DPP10: variants seen among roughly 807,000 people sequenced by gnomAD.
DPP10 encodes the protein dipeptidyl peptidase like 10.
Under a neutral mutation model 120.9 loss-of-function variants are expected in DPP10, and 33 were observed. That is an observed-to-expected ratio of 0.27 (90% confidence interval 0.21 to 0.37). DPP10 has a LOEUF of 0.37. Ranked by LOEUF, DPP10 falls within the 10% of genes least tolerant of loss-of-function variation. The pLI is 1.00. For missense variants in DPP10, 816 were observed against 942.8 expected (o/e 0.87, Z 1.76); for synonymous variants, 337 against 326.1 (o/e 1.03, Z -0.36).
chr2:115,657,296 G>T (rs1166996486), intron 5 of DPP10, among the ~76,000 whole-genome samples: 1 of 151,624 alleles, frequency 6.6e-6, no homozygotes, highest in South Asian at 2.1e-4. Flanking sequence ...GATAACAATG[G>T]TGAAACTAAC....
At chr2:115,602,404 A>G (rs952159429) in intron 5 of DPP10, among the ~76,000 whole-genome samples, 11 of 152,246 alleles carry the variant, frequency 7.2e-5, no homozygotes, top group South Asian at 4.1e-4. Flanking sequence ...AATCAAATTT[A>G]TATCACATTA....
At chr2:114,670,724 A>G (rs1698274514) in intron 1 of DPP10, among the ~76,000 whole-genome samples, 1 of 152,186 alleles carries the variant, frequency 6.6e-6, no homozygotes, top group African/African-American at 2.4e-5. Context: ...AAATCTACAT[A>G]TGCCAACATA....
intron 5 of DPP10, among the ~76,000 whole-genome samples, chr2:115,538,635 G>C (rs1013040824): frequency 2.6e-5 from 4 of 151,938 alleles, no homozygotes; most frequent in African/African-American, 7.2e-5. Context: ...AAAATGTAGC[G>C]TGAAGGATAG....
intron 1 of DPP10, among the ~76,000 whole-genome samples, chr2:114,647,598 A>G (rs2105465404): frequency 6.6e-6 from 1 of 152,108 alleles, no homozygotes; most frequent in African/African-American, 2.4e-5. Flanking sequence ...TTGGGATGCA[A>G]AACCACTTAA....
chr2:115,220,017 A>G (rs1235739934), intron 1 of DPP10, among the ~76,000 whole-genome samples: 1 of 152,204 alleles, frequency 6.6e-6, no homozygotes, highest in Non-Finnish European at 1.5e-5. Flanking sequence ...ACTACCATTT[A>G]CTGAACACTT....
At position 114,748,935 on chromosome 2, in the gene DPP10, C is replaced by T. The variant is rs189767435; in HGVS notation, c.60+306097C>T. 4.4e-3 allele frequency among the ~76,000 whole-genome samples: 546 copies of T among 125,204 alleles called. 1 individual carries two copies. Among genetic ancestry groups the T allele is most frequent in the Middle Eastern group, 0.013 (3 of 232 alleles). 82.1% of individuals were successfully genotyped at this position (125,204 alleles called of 152,430 possible). A position where few individuals can be genotyped will look rare whatever the true frequency, so the allele number is the denominator to read the frequency against. Reference sequence around the variant, plus strand: ...TATATACCCAGTAATGGGATGGCTGCGTCAAATGGTATTTCTAGTTCTAGA... The same window carrying T: ...TATATACCCAGTAATGGGATGGCTGTGTCAAATGGTATTTCTAGTTCTAGA... On this transcript the variant is annotated intron_variant, in intron 1 of 25. Transcript: ENST00000410059.
intron 3 of DPP10, among the ~76,000 whole-genome samples, chr2:115,384,423 AAGAAG>A (rs1271972659): frequency 4.6e-5 from 5 of 109,852 alleles, no homozygotes; most frequent in Non-Finnish European, 1.2e-4. Flanking sequence ...GAAGAAGAAG[AAGAAG>A]GAGAAGAAGA....
intron 1 of DPP10, among the ~76,000 whole-genome samples, chr2:115,150,503 C>T (rs529548174): frequency 3.9e-4 from 60 of 152,322 alleles, no homozygotes; most frequent in African/African-American, 1.1e-3. Context: ...ATTACCACCA[C>T]CCATTATAAT....
At chr2:115,556,853 A>G (rs1218415167) in intron 5 of DPP10, among the ~76,000 whole-genome samples, 2 of 152,150 alleles carry the variant, frequency 1.3e-5, no homozygotes, top group Non-Finnish European at 2.9e-5. Context: ...AACTTTATAC[A>G]CCATAGTAAA....
intron 1 of DPP10, among the ~76,000 whole-genome samples, chr2:114,887,092 T>C (rs1354685077): frequency 6.6e-6 from 1 of 152,216 alleles, no homozygotes; most frequent in African/African-American, 2.4e-5. Flanking sequence ...TTTTCCCAAA[T>C]CTCTCCCAAG....
intron 1 of DPP10, among the ~76,000 whole-genome samples, chr2:114,703,370 T>A (rs1223654983): frequency 6.6e-6 from 1 of 152,198 alleles, no homozygotes; most frequent in African/African-American, 2.4e-5. Flanking sequence ...TAAACACGCA[T>A]AAGATCACAA....
intron 1 of DPP10, among the ~76,000 whole-genome samples, chr2:114,955,282 G>T (rs1416343076): frequency 2.0e-5 from 3 of 152,146 alleles, no homozygotes; most frequent in Non-Finnish European, 2.9e-5. Context: ...GGTCACTCTT[G>T]TCACCATTTT....
At chr2:115,807,772 A>G (rs1308531969) in intron 19 of DPP10, among the ~76,000 whole-genome samples, 1 of 146,016 alleles carries the variant, frequency 6.8e-6, no homozygotes, top group East Asian at 2.1e-4. Context: ...AATGCAAAAT[A>G]CCCAAACTTG....
At chr2:115,619,508 A>G (rs1279220244) in intron 5 of DPP10, among the ~76,000 whole-genome samples, 2 of 152,116 alleles carry the variant, frequency 1.3e-5, no homozygotes, top group Non-Finnish European at 2.9e-5. Context: ...TCTCCTTACA[A>G]TTCTCGCATC....
At chr2:115,012,939 T>G (rs1270816470) in intron 1 of DPP10, among the ~76,000 whole-genome samples, 1 of 152,162 alleles carries the variant, frequency 6.6e-6, no homozygotes, top group Non-Finnish European at 1.5e-5. Context: ...GAAAGGAAAG[T>G]AATTCATCCA....
At chr2:115,762,511 A>G in intron 11 of DPP10, 61 bp from the exon 12 acceptor site, 1 of 1,594,382 alleles carries the variant, frequency 6.3e-7, no homozygotes, top group Non-Finnish European at 8.6e-7. Context: ...TAAAAAAGTT[A>G]AATTTATATA....
chr2:114,756,907 T>C (rs1558708670), intron 1 of DPP10, among the ~76,000 whole-genome samples: 4 of 152,176 alleles, frequency 2.6e-5, no homozygotes, highest in South Asian at 2.1e-4. Context: ...GGAAGCCCCG[T>C]TGAGGTATTT....
intron 1 of DPP10, among the ~76,000 whole-genome samples, chr2:114,940,975 G>T (rs1242836946): frequency 6.6e-6 from 1 of 152,014 alleles, no homozygotes; most frequent in East Asian, 1.9e-4. Context: ...TTTACAATGG[G>T]ACTATTGTCA....
intron 1 of DPP10, among the ~76,000 whole-genome samples, chr2:115,091,552 G>A (rs1354177365): frequency 1.3e-5 from 2 of 151,938 alleles, no homozygotes; most frequent in East Asian, 3.9e-4. Context: ...CCCAACATGT[G>A]TCTATATGTT....
Sources: allele counts gnomAD v4.1 joint callset (sites outside exome capture counted in the v4.1 genomes callset), GRCh38; gene constraint gnomAD v4.1.1; transcripts MANE v1.5; gene names NCBI Gene and HGNC (gene_info 2026-07-23, HGNC 2026-07-21).